The following GFRA1 variants were observed in gnomAD, a reference collection of about 807,000 sequenced individuals.
GFRA1 encodes the protein GDNF family receptor alpha 1.
GFRA1 carries 16 observed loss-of-function variants against 51.6 expected under a neutral mutation model. The ratio of observed to expected loss-of-function variants is 0.31; its 90% confidence interval spans 0.21 to 0.47. GFRA1 has a LOEUF of 0.47. Ranked by LOEUF, GFRA1 falls within the 20% of genes least tolerant of loss-of-function variation. GFRA1 has a pLI of 1.00. For missense variants in GFRA1, 530 were observed against 594.3 expected (o/e 0.89, Z 1.13); for synonymous variants, 270 against 241.3 (o/e 1.12, Z -1.10).
intron 4 of GFRA1, among the ~76,000 whole-genome samples, chr10:116,258,380 A>T (rs367940725): frequency 1.1e-4 from 16 of 146,148 alleles, no homozygotes; most frequent in Admixed American, 8.9e-4. Flanking sequence ...ATAATATCTA[A>T]TATATTAATT....
At chr10:116,230,500 G>A (rs1175666536) in intron 4 of GFRA1, among the ~76,000 whole-genome samples, 4 of 152,174 alleles carry the variant, frequency 2.6e-5, no homozygotes, top group Non-Finnish European at 5.9e-5. Flanking sequence ...ACGTGCTACA[G>A]GGAAGACACA....
chr10:116,130,455 A>G (rs1417425109), intron 5 of GFRA1, among the ~76,000 whole-genome samples: 1 of 152,100 alleles, frequency 6.6e-6, no homozygotes, highest in Non-Finnish European at 1.5e-5. Context: ...AACTAAAGCA[A>G]CTGGAACAAG....
intron 6 of GFRA1, among the ~76,000 whole-genome samples, chr10:116,121,904 T>C (rs946429551): frequency 6.6e-6 from 1 of 151,594 alleles, no homozygotes; most frequent in Non-Finnish European, 1.5e-5. Context: ...TGAGAAGGGA[T>C]GGGATAAAAG....
At chr10:116,256,060 A>C (rs997715559) in intron 4 of GFRA1, among the ~76,000 whole-genome samples, 3 of 152,198 alleles carry the variant, frequency 2.0e-5, no homozygotes, top group African/African-American at 7.2e-5. Context: ...GGTTTCCTGC[A>C]CAGCTCAGGA....
chr10:116,239,795 TAAC>T (rs1429836310), intron 4 of GFRA1, among the ~76,000 whole-genome samples: 1 of 152,164 alleles, frequency 6.6e-6, no homozygotes, highest in East Asian at 1.9e-4. Flanking sequence ...TTAAAAAATT[TAAC>T]AACAAAAACC....
chr10:116,139,729 C>T lies in GFRA1; in HGVS notation c.434-14172G>A, dbSNP rs987290329. 2.6e-5 allele frequency among the ~76,000 whole-genome samples: 4 copies of T among 152,318 alleles called. No homozygotes were observed. In the East Asian group the frequency reaches 7.8e-4, roughly 30 times the overall value. ...GATGAGAGGAATGAGGACTACTGGC[C>T]TCAGAATGGCCAACCATGCTGCCCT... On this transcript the variant is annotated intron_variant, in intron 5 of 10. Transcript: ENST00000355422.
At chr10:116,229,463 C>G (rs1966545489) in intron 4 of GFRA1, among the ~76,000 whole-genome samples, 1 of 152,186 alleles carries the variant, frequency 6.6e-6, no homozygotes, top group South Asian at 2.1e-4. Flanking sequence ...AGTCCTCCTT[C>G]ATCTGGGGCT....
chr10:116,087,885 G>A (rs1956163409), intron 9 of GFRA1, among the ~76,000 whole-genome samples: 1 of 152,200 alleles, frequency 6.6e-6, no homozygotes, highest in Admixed American at 6.5e-5. Flanking sequence ...CTCGCTGCAG[G>A]ATGGAGCAGT....
intron 4 of GFRA1, among the ~76,000 whole-genome samples, chr10:116,251,293 A>G (rs1019644154): frequency 2.6e-5 from 4 of 152,216 alleles, no homozygotes; most frequent in African/African-American, 9.7e-5. Flanking sequence ...GAAGTCATCC[A>G]AAGAATCTTG....
At chr10:116,079,100 A>T (rs1955739914) in intron 9 of GFRA1, among the ~76,000 whole-genome samples, 1 of 151,916 alleles carries the variant, frequency 6.6e-6, no homozygotes, top group Non-Finnish European at 1.5e-5. Context: ...AAAACACCAG[A>T]AGGTGATGGT....
chr10:116,183,934 G>A (rs1589852524), intron 5 of GFRA1, among the ~76,000 whole-genome samples: 3 of 152,170 alleles, frequency 2.0e-5, no homozygotes, highest in Non-Finnish European at 2.9e-5. Context: ...TCACTCCACT[G>A]CCTGCCTTGG....
intron 5 of GFRA1, among the ~76,000 whole-genome samples, chr10:116,198,774 G>A (rs557196278): frequency 1.3e-5 from 2 of 152,144 alleles, no homozygotes; most frequent in African/African-American, 2.4e-5. Context: ...AGGTTGGCTG[G>A]TCATCCATCT....
chr10:116,068,542 G>A (rs1236554412), intron 9 of GFRA1, among the ~76,000 whole-genome samples: 2 of 152,192 alleles, frequency 1.3e-5, no homozygotes, highest in African/African-American at 2.4e-5. Context: ...CAGAGAGAGG[G>A]TCAGAGCCTG....
At position 116,272,050 on chromosome 10, in the gene GFRA1, C is replaced by T. The variant is rs1443567236; in HGVS notation, c.-21G>A. On this transcript the variant is annotated 5_prime_UTR_variant, in exon 2 of 11. Coordinates refer to ENST00000355422, the MANE Select transcript of GFRA1 (RefSeq NM_005264.8). The surrounding 1 kb of genome is among the most constrained non-coding windows in gnomAD (Gnocchi z 4.4). ...AACATGGTGCCGGCGCGGGGCTGGT[C>T]CCCGCCCCCCCAAAAAAATCCCGAG... 5 of 1,548,364 alleles carry T rather than the reference C, an allele frequency of 3.2e-6. No individual in the cohort carries two copies. The highest frequency in any genetic ancestry group is 4.4e-6 in the Non-Finnish European group (5 of 1,145,802).
chr10:116,268,521 T>C (rs1969848615), intron 4 of GFRA1, among the ~76,000 whole-genome samples: 1 of 152,208 alleles, frequency 6.6e-6, no homozygotes, highest in South Asian at 2.1e-4. Context: ...AATGCATGTA[T>C]AACACACCCA....
chr10:116,219,014 A>T (rs1252724980), intron 4 of GFRA1, among the ~76,000 whole-genome samples: 1 of 150,516 alleles, frequency 6.6e-6, no homozygotes, highest in Non-Finnish European at 1.5e-5. Flanking sequence ...GAAAAAAATA[A>T]AAAAAAAAGC....
chr10:116,065,412 T>G (rs1402358915), intron 10 of GFRA1, among the ~76,000 whole-genome samples, 161 bp downstream of exon 10: 1 of 152,236 alleles, frequency 6.6e-6, no homozygotes, highest in African/African-American at 2.4e-5. Context: ...ATTCAAAGTC[T>G]TCACCTTGCT....
chr10:116,236,256 G>A (rs1365107002), intron 4 of GFRA1, among the ~76,000 whole-genome samples: 3 of 152,074 alleles, frequency 2.0e-5, no homozygotes, highest in Non-Finnish European at 2.9e-5. Flanking sequence ...GCTTTGCTCT[G>A]CCCAAATCAC....
chr10:116,093,022 G>A (rs1956418090), intron 8 of GFRA1, among the ~76,000 whole-genome samples: 1 of 152,182 alleles, frequency 6.6e-6, no homozygotes, highest in Non-Finnish European at 1.5e-5. Context: ...TGGGAAACGT[G>A]TTTCCAAACT....
Sources: gnomAD v4.1 joint callset for allele counts (sites outside exome capture counted in the v4.1 genomes callset) on GRCh38, gnomAD v4.1.1 for gene constraint, Gnocchi (gnomAD v3.1) non-coding constraint, MANE v1.5 for transcripts, NCBI Gene and HGNC (gene_info 2026-07-23, HGNC 2026-07-21) for gene names.